EHD1: variants seen among roughly 807,000 people sequenced by gnomAD.
The protein encoded by EHD1 is EH domain containing 1.
EHD1 carries 19 observed loss-of-function variants against 39.0 expected under a neutral mutation model. The observed-to-expected ratio is 0.49, with a 90% confidence interval of 0.34 to 0.72. The LOEUF is 0.72. EHD1 is among the 30% of genes least tolerant of loss of function. The pLI, the probability that EHD1 is intolerant of heterozygous loss-of-function variation, is 0.01. For synonymous variants in EHD1, 323 were observed against 331.2 expected, an observed-to-expected ratio of 0.98 and a Z score of 0.27; for missense variants, 542 against 751.5, an observed-to-expected ratio of 0.72 and a Z score of 3.26.
chr11:64,862,893 T>C (rs1262019210), intron 2 of EHD1, among the ~76,000 whole-genome samples: 3 of 152,090 alleles, frequency 2.0e-5, no homozygotes, highest in Non-Finnish European at 4.4e-5. Context: ...ACAAAAGAAA[T>C]CCTCACCTCT....
chr11:64,864,854 C>T (rs1483364683), intron 2 of EHD1, among the ~76,000 whole-genome samples: 2 of 152,118 alleles, frequency 1.3e-5, no homozygotes, highest in African/African-American at 4.8e-5. Context: ...CTGAGGTCAC[C>T]CTCCCAAACT....
At chr11:64,860,650 T>C (rs7938959) in intron 2 of EHD1, among the ~76,000 whole-genome samples, 146,729 of 147,716 alleles carry the variant, frequency 0.99, 72,876 homozygotes, top group Non-Finnish European at 1. Context: ...ACCCAGCAGG[T>C]GGAGGTTGTG....
At chr11:64,863,552 C>A (rs1943737191) in intron 2 of EHD1, among the ~76,000 whole-genome samples, 1 of 152,224 alleles carries the variant, frequency 6.6e-6, no homozygotes, top group South Asian at 2.1e-4. Context: ...TGAGAGGCTG[C>A]CTCTACGCAC....
chr11:64,876,657 C>T (rs968169445), intron 1 of EHD1, among the ~76,000 whole-genome samples: 1 of 152,226 alleles, frequency 6.6e-6, no homozygotes, highest in Non-Finnish European at 1.5e-5. Context: ...GTTTCCTGAA[C>T]CAGTCAGGTG....
chr11:64,879,222 G>T, upstream of EHD1: 11 of 1,097,986 alleles, frequency 1.0e-5, no homozygotes, highest in Non-Finnish European at 1.2e-5. Flanking sequence ...GAGAATCCGG[G>T]GCGGGCTGGT....
At chr11:64,873,381 G>C (rs1291488040) in intron 2 of EHD1, among the ~76,000 whole-genome samples, 1 of 152,160 alleles carries the variant, frequency 6.6e-6, no homozygotes, top group Admixed American at 6.5e-5. Flanking sequence ...ATATGGCTTT[G>C]GGGGGCAAAG....
At chr11:64,855,203 T>A in intron 4 of EHD1, 119 bp downstream of exon 4, 1 of 1,416,380 alleles carries the variant, frequency 7.1e-7, no homozygotes, top group Non-Finnish European at 9.3e-7. Flanking sequence ...TTAACCCAGC[T>A]GCTTCCGTTC....
intron 2 of EHD1, among the ~76,000 whole-genome samples, chr11:64,860,606 G>A (rs1215322285): frequency 2.0e-5 from 3 of 150,992 alleles, no homozygotes; most frequent in African/African-American, 7.3e-5. Flanking sequence ...GGTGGCGCGA[G>A]CACTCAGGAG....
rs1325157679 is a variant in EHD1 at position 64,859,916 on chromosome 11, G to C, written c.915+8C>G. On this transcript the variant is annotated splice_region_variant and intron_variant, in intron 3 of 4. Coordinates refer to ENST00000320631, the MANE Select transcript of EHD1 (RefSeq NM_006795.4). ...GCAATAGGCTGCTCCCCTCACCCCAGGGTCTACCTTGGCCAGCCGTGCCCG... is the reference window on the plus strand; with the variant it reads ...GCAATAGGCTGCTCCCCTCACCCCACGGTCTACCTTGGCCAGCCGTGCCCG... The C allele has an allele frequency of 2.5e-6, 4 of 1,606,812 alleles. No individual in the cohort carries two copies. The highest frequency in any genetic ancestry group is 3.4e-6 in the Non-Finnish European group (4 of 1,175,576).
At chr11:64,855,010 TA>T in intron 4 of EHD1, 153 bp from the exon 5 acceptor site, 1 of 1,018,334 alleles carries the variant, frequency 9.8e-7, no homozygotes, top group South Asian at 1.5e-5. Context: ...CTTGGCTCTC[TA>T]ACCTGTACAC....
chr11:64,867,950 G>A (rs558885254), intron 2 of EHD1, among the ~76,000 whole-genome samples: 4 of 152,262 alleles, frequency 2.6e-5, no homozygotes, highest in Non-Finnish European at 4.4e-5. Context: ...AGGCCACTGC[G>A]GCTCTGGGGC....
At position 64,859,882 on chromosome 11, in the gene EHD1, C is replaced by T. The variant is rs560671757; in HGVS notation, c.915+42G>A. The T allele has an allele frequency of 2.7e-5, 43 of 1,574,108 alleles. No homozygotes were observed. In the East Asian group the frequency reaches 9.2e-4, roughly 34 times the overall value. ...GAGTGCCAGTCTCAGAGCCCCATGG[C>T]CCTGCCTGGCAATAGGCTGCTCCCC... On this transcript the variant is annotated intron_variant, in intron 3 of 4. Coordinates refer to ENST00000320631, the MANE Select transcript of EHD1 (RefSeq NM_006795.4).
In EHD1 at chr11:64,878,189, G is replaced by A. The variant is rs1367009207; in HGVS notation, c.276C>T (p.Pro92=). 6.2e-7 allele frequency: 1 copy of A among 1,608,984 alleles called. No individual in the cohort carries two copies. The highest frequency in any genetic ancestry group is 2.2e-5 in the East Asian group (1 of 44,674). ...TGACGGCGATGAAGGAGTCGGTGGT[G>A]GGCTCGGGCCCGATGCGCATCCCCG... ...DFPGMRIGPE[P]TTDSFIAVMH... is the part of the protein sequence containing the mutation. The change falls in exon 1 of 5, where the codon CCC becomes CCT. Residue 92 remains proline (P), a synonymous_variant. Transcript: ENST00000320631.
rs1943640626 is a variant in EHD1, at chr11:64,855,453, C to T, written c.949G>A (p.Glu317Lys). 2 of 1,613,932 alleles carry T rather than the reference C, an allele frequency of 1.2e-6. No individual in the cohort carries two copies. The highest frequency in any genetic ancestry group is 1.7e-6 in the Non-Finnish European group (2 of 1,180,028). Residue 317 changes from glutamate (E) to lysine (K), a missense_variant, in exon 4 of 5, where the codon GAG becomes AAG. Glu to Lys is a moderately conservative substitution (Grantham distance 56). Transcript: ENST00000320631. ...TCTTTACCAAAGACATTGGGCATCTCTTTCTTGAGGGAGCTGATGATGTAG... is the reference window on the plus strand; with the variant it reads ...TCTTTACCAAAGACATTGGGCATCTTTTTCTTGAGGGAGCTGATGATGTAG... ...HAYIISSLKK[E>K]MPNVFGKESK...
In EHD1 at chr11:64,854,429, C is replaced by G; in HGVS notation, c.1509G>C (p.Leu503=). 1 of 1,614,054 alleles carries G rather than the reference C, an allele frequency of 6.2e-7. No individual in the cohort carries two copies. Among genetic ancestry groups the G allele is most frequent in the Non-Finnish European group, 8.5e-7 (1 of 1,179,966 alleles). ...GCTTGACCTTGATGAGGTGGTTGGC[C>G]AGCGCGAACTCCTCGTCGTCCAGCA... ...DGLLDDEEFA[L]ANHLIKVKLE... is the part of the protein sequence containing the mutation. The change falls in exon 5 of 5, where the codon CTG becomes CTC. Residue 503 remains leucine, a synonymous_variant. Transcript: ENST00000320631.
chr11:64,872,866 C>T (rs926077825), intron 2 of EHD1, among the ~76,000 whole-genome samples: 3 of 152,208 alleles, frequency 2.0e-5, no homozygotes, highest in African/African-American at 4.8e-5. Flanking sequence ...TCCTAGCTGC[C>T]GGCTTTGACT....
Position 64,855,723 on chromosome 11 carries a change from C to T in EHD1, c.916-237G>A, listed in dbSNP as rs150529752. 582 of 559,664 alleles carry T rather than the reference C, an allele frequency of 1.0e-3. 1 individual carries two copies. The highest frequency in any genetic ancestry group is 9.0e-3 in the African/African-American group (482 of 53,286). 34.7% of individuals were successfully genotyped at this position (559,664 alleles called of 1,614,324 possible). A position where few individuals can be genotyped will look rare whatever the true frequency, so the allele number is the denominator to read the frequency against. ...CAGGACAGAGGACAGGACAGGAAAA[C>T]GCACTTGAAACAGAAGACAACAGCC... On this transcript the variant is annotated intron_variant, in intron 3 of 4. Coordinates refer to ENST00000320631, the MANE Select transcript of EHD1 (RefSeq NM_006795.4).
In EHD1 at chr11:64,878,399, A is replaced by G. The variant is rs1211284; in HGVS notation, c.66T>C (p.Ala22=). 0.85 allele frequency: 1,373,121 copies of G among 1,613,768 alleles called. 595,870 individuals are homozygous for G. Among genetic ancestry groups the G allele is most frequent in the Non-Finnish European group, 0.89 (1,053,884 of 1,179,982 alleles). ...KKEPELFQTV[A]EGLRQLYAQK... is the part of the protein sequence containing the mutation. Reference sequence around the variant, plus strand: ...GCGCGTACAGCTGCCGCAGCCCCTCAGCCACCGTCTGGAAGAGCTCCGGCT... The same window carrying G: ...GCGCGTACAGCTGCCGCAGCCCCTCGGCCACCGTCTGGAAGAGCTCCGGCT... The change falls in exon 1 of 5, where the codon GCT becomes GCC. Residue 22 remains alanine (A), a synonymous_variant. Coordinates refer to ENST00000320631, the MANE Select transcript of EHD1 (RefSeq NM_006795.4).
At chr11:64,867,289 C>T (rs987539449) in intron 2 of EHD1, among the ~76,000 whole-genome samples, 4 of 151,318 alleles carry the variant, frequency 2.6e-5, no homozygotes, top group African/African-American at 7.3e-5. Flanking sequence ...GATGGTGCCA[C>T]ACGCCTGTAA....
Sources: gnomAD v4.1 joint callset for allele counts (sites outside exome capture counted in the v4.1 genomes callset) on GRCh38, gnomAD v4.1.1 for gene constraint, MANE v1.5 for transcripts, NCBI Gene and HGNC (gene_info 2026-07-23, HGNC 2026-07-21) for gene names.